The following SLC29A2 variants were observed in gnomAD, a reference collection of about 807,000 sequenced individuals.
SLC29A2 encodes the protein solute carrier family 29 member 2, also known as equilibrative nucleoside transporter 2.
A neutral mutation model predicts 48.8 loss-of-function variants in SLC29A2; 37 were observed. The ratio of observed to expected loss-of-function variants is 0.76; its 90% CI spans 0.58 to 1.00. The LOEUF is 1.00. Among genes scored for constraint, SLC29A2 ranks in the 50% least tolerant of loss-of-function variants. The pLI is 0.00. For synonymous variants in SLC29A2, 233 were observed against 261.7 expected (o/e 0.89, Z 1.06); for missense variants, 533 against 578.6 (o/e 0.92, Z 0.81).
At position 66,364,392 on chromosome 11, in the gene SLC29A2, C is replaced by T. The variant is rs747279942; in HGVS notation, c.1092G>A (p.Leu364=). 1.2e-6 allele frequency: 2 copies of T among 1,613,420 alleles called. No homozygotes were observed. Among genetic ancestry groups the T allele is most frequent in the South Asian group, 2.2e-5 (2 of 90,952 alleles). The change falls in exon 11 of 12, where the codon CTG becomes CTA. Residue 364 remains leucine (L), a synonymous_variant. Transcript: ENST00000357440. ...PDEDSRLLPL[L]VCLRFLFVPL... ...GCACGAACAGGAACCGCAGGCAGAC[C>T]AGCAGGGGCAGCAGCCGGCTGTCCT...
At position 66,367,787 on chromosome 11, in the gene SLC29A2, C is replaced by G. The variant is rs1855790378; in HGVS notation, c.633G>C (p.Leu211=). 1 of 1,614,022 alleles carries G rather than the reference C, an allele frequency of 6.2e-7. No individual in the cohort carries two copies. Among genetic ancestry groups the G allele is most frequent in the Non-Finnish European group, 8.5e-7 (1 of 1,179,966 alleles). The change falls in exon 6 of 12, where the codon CTG becomes CTC. Residue 211 remains leucine (L), a synonymous_variant. Coordinates refer to ENST00000357440, the MANE Select transcript of SLC29A2 (RefSeq NM_001532.3). The part of the protein sequence containing the change: ...VGILMSIVCY[L]SLPHLKFARY... ...GCAGGCTCACCAGGTGAGGCAGGCTCAGGTAACACACGATGGACATGAGGA... is the reference window on the plus strand; with the variant it reads ...GCAGGCTCACCAGGTGAGGCAGGCTGAGGTAACACACGATGGACATGAGGA...
At chr11:66,369,566 C>A (rs1263719867) in intron 2 of SLC29A2, 34 bp from the exon 3 acceptor site, 1 of 1,612,456 alleles carries the variant, frequency 6.2e-7, no homozygotes, top group East Asian at 2.2e-5. Flanking sequence ...GGGTCAGCAC[C>A]TCTCAGCCTT....
At chr11:66,371,068 G>A (rs1856005681) in intron 2 of SLC29A2, among the ~76,000 whole-genome samples, 176 bp downstream of exon 2, 1 of 152,166 alleles carries the variant, frequency 6.6e-6, no homozygotes, top group African/African-American at 2.4e-5. Flanking sequence ...CATTGCTGAA[G>A]TTCTACTTTC....
chr11:66,364,503 C>T, intron 10 of SLC29A2, 79 bp from the exon 11 acceptor site: 12 of 654,648 alleles, frequency 1.8e-5, no homozygotes, highest in Non-Finnish European at 2.5e-5. Flanking sequence ...CCATAGAGTA[C>T]TTTTTTTTTT....
Position 66,363,538 on chromosome 11 carries a change from C to T in SLC29A2, c.1269G>A (p.Leu423=). The part of the protein sequence containing the change: ...LTMCLAPRQV[L]PHEREVAGAL... The stretch of plus-strand genomic sequence containing the variant: ...CGCCGGCCACCTCCCTCTCGTGTGG[C>T]AGCACCTGCCTAGAACACCCGGGAA... Residue 423 remains leucine (L), a synonymous_variant, in exon 12 of 12, where the codon CTG becomes CTA. Coordinates refer to ENST00000357440, the MANE Select transcript of SLC29A2 (RefSeq NM_001532.3). 1 of 1,612,750 alleles carries T rather than the reference C, an allele frequency of 6.2e-7. No homozygotes were observed. The highest frequency in any genetic ancestry group is 1.1e-5 in the South Asian group (1 of 90,806).
intron 3 of SLC29A2, 65 bp from the exon 4 acceptor site, chr11:66,369,264 C>A: frequency 1.3e-6 from 2 of 1,586,976 alleles, no homozygotes; most frequent in Non-Finnish European, 1.7e-6. Flanking sequence ...GAAGGAGGCT[C>A]GACACCTGGG....
upstream of SLC29A2, chr11:66,371,901 C>G (rs1019050027): frequency 4.3e-5 from 20 of 464,310 alleles, no homozygotes; most frequent in African/African-American, 4.0e-4. Flanking sequence ...GGAACCCGCC[C>G]GCTCCCCGCA....
At chr11:66,371,798 CG>C, upstream of SLC29A2, 1 of 578,666 alleles carries the variant, frequency 1.7e-6, no homozygotes, top group Non-Finnish European at 3.0e-6. Flanking sequence ...CGCCCCGAGG[CG>C]GGGACAGAGG....
At chr11:66,366,588 G>A (rs761943170) in intron 7 of SLC29A2, 24 bp from the exon 8 acceptor site, 1 of 1,610,226 alleles carries the variant, frequency 6.2e-7, no homozygotes, top group South Asian at 1.1e-5. Flanking sequence ...GGACGGGGAA[G>A]GGTCATGCTT....
chr11:66,371,676 T>G lies in SLC29A2; in HGVS notation c.-85A>C. The G allele has an allele frequency of 1.6e-5, 20 of 1,246,052 alleles. No individual in the cohort carries two copies. Among genetic ancestry groups the G allele is most frequent in the Non-Finnish European group, 2.1e-5 (19 of 896,272 alleles). 77.2% of individuals were successfully genotyped at this position (1,246,052 alleles called of 1,614,324 possible). A position where few individuals can be genotyped will look rare whatever the true frequency, so the allele number is the denominator to read the frequency against. On this transcript the variant is annotated 5_prime_UTR_variant, in exon 1 of 12. Transcript: ENST00000357440. ...GCTGGGGCGGAGGGCCGCAGACCGG[T>G]GGGGCGGGGGGCGGGTCTCCCCAGA...
intron 11 of SLC29A2, 49 bp from the exon 12 acceptor site, chr11:66,363,596 T>A: frequency 7.1e-7 from 1 of 1,402,640 alleles, no homozygotes; most frequent in Non-Finnish European, 9.9e-7. Context: ...GGTCTAAATC[T>A]GGACCCAGCT....
At chr11:66,365,549 C>T (rs1245480180) in intron 10 of SLC29A2, among the ~76,000 whole-genome samples, 2 of 152,228 alleles carry the variant, frequency 1.3e-5, no homozygotes, top group Non-Finnish European at 2.9e-5. Flanking sequence ...TTGGATGAGA[C>T]CAGCTCCTCT....
Position 66,366,574 on chromosome 11 carries a change from G to A in SLC29A2, c.734-10C>T, listed in dbSNP as rs763251556. On this transcript the variant is annotated splice_polypyrimidine_tract_variant and intron_variant, in intron 7 of 11. Transcript: ENST00000357440. ...GGAATCCCGTTCTCATCTGGGGTGA[G>A]GGGGGACGGGGAAGGGTCATGCTTG... 6.2e-6 allele frequency: 10 copies of A among 1,612,598 alleles called. No individual in the cohort carries two copies. The Admixed American group carries it at 1.2e-4, about 19-fold the overall frequency.
Position 66,367,449 on chromosome 11 carries a change from G to A in SLC29A2, c.733+15C>T, listed in dbSNP as rs769173257. 6.2e-7 allele frequency: 1 copy of A among 1,611,254 alleles called. No individual in the cohort carries two copies. Among genetic ancestry groups the A allele is most frequent in the Non-Finnish European group, 8.5e-7 (1 of 1,177,416 alleles). ...TCTGCATCTCCCACCTCCCCAGGAGGGTCTCAGGGCTTACCAGACTGGAGG... is the reference window on the plus strand; with the variant it reads ...TCTGCATCTCCCACCTCCCCAGGAGAGTCTCAGGGCTTACCAGACTGGAGG... On this transcript the variant is annotated intron_variant, in intron 7 of 11. Transcript: ENST00000357440.
In SLC29A2 at chr11:66,367,450, G is replaced by T; in HGVS notation, c.733+14C>A. The T allele has an allele frequency of 6.2e-7, 1 of 1,611,882 alleles. No individual in the cohort carries two copies. The highest frequency in any genetic ancestry group is 8.5e-7 in the Non-Finnish European group (1 of 1,177,974). On this transcript the variant is annotated intron_variant, in intron 7 of 11. Transcript: ENST00000357440. ...CTGCATCTCCCACCTCCCCAGGAGG[G>T]TCTCAGGGCTTACCAGACTGGAGGA...
chr11:66,365,865 A>G (rs2279861), intron 10 of SLC29A2, 71 bp downstream of exon 10: 951,731 of 1,407,850 alleles, frequency 0.68, 329,686 homozygotes, highest in South Asian at 0.81. Flanking sequence ...AATCACCTCC[A>G]TGCTCTTTCA....
At position 66,371,692 on chromosome 11, in the gene SLC29A2, T is replaced by C. The variant is rs567824668; in HGVS notation, c.-101A>G. ...GCAGACCGGTGGGGCGGGGGGCGGG[T>C]CTCCCCAGATTCCGGTGCAGGGCGG... On this transcript the variant is annotated 5_prime_UTR_variant, in exon 1 of 12. Transcript: ENST00000357440. 8 of 1,205,264 alleles carry C rather than the reference T, an allele frequency of 6.6e-6. No individual in the cohort carries two copies. The South Asian group carries it at 1.1e-4, about 17-fold the overall frequency. 74.7% of individuals were successfully genotyped at this position (1,205,264 alleles called of 1,614,324 possible). A position where few individuals can be genotyped will look rare whatever the true frequency, so the allele number is the denominator to read the frequency against.
intron 10 of SLC29A2, 37 bp from the exon 11 acceptor site, chr11:66,364,461 C>T (rs1195190364): frequency 6.5e-7 from 1 of 1,543,406 alleles, no homozygotes; most frequent in South Asian, 1.1e-5. Flanking sequence ...GTCCCTGGAG[C>T]CAGGTCTCTG....
In SLC29A2 at chr11:66,366,200, A is replaced by T. The variant is rs780033395; in HGVS notation, c.899T>A (p.Val300Asp). The change falls in exon 9 of 12, where the codon GTC becomes GAC. Residue 300 changes from valine (V) to aspartate (D), a missense_variant. Physicochemically the swap from Val to Asp is radical, Grantham distance 152. Coordinates refer to ENST00000357440, the MANE Select transcript of SLC29A2 (RefSeq NM_001532.3). The part of the protein sequence containing the change: ...IWLTALCLVL[V>D]FTVTLSVFPA... ...GAAGACGGACAGGGTGACTGTGAAG[A>T]CCAACACAAGGCACAGCGCTGTCAG... 1.9e-6 allele frequency: 3 copies of T among 1,614,044 alleles called. No homozygotes were observed. The highest frequency in any genetic ancestry group is 1.1e-5 in the South Asian group (1 of 91,090).
Sources: allele counts gnomAD v4.1 joint callset (sites outside exome capture counted in the v4.1 genomes callset), GRCh38; gene constraint gnomAD v4.1.1; transcripts MANE v1.5; gene names NCBI Gene and HGNC (gene_info 2026-07-23, HGNC 2026-07-21).